Variants in METTL22 observed in about 807,000 individuals in gnomAD.
METTL22 encodes methyltransferase 22, Kin17 lysine, also known as methyltransferase-like protein 22.
METTL22 carries 51 observed loss-of-function variants against 48.4 expected under a neutral mutation model. The observed-to-expected ratio is 1.05, with a 90% confidence interval of 0.84 to 1.33. The LOEUF is 1.33. Ranked by LOEUF, METTL22 falls within the 40% of genes most tolerant of loss-of-function variation. METTL22 has a pLI of 0.00. For missense variants in METTL22, 678 were observed against 526.9 expected (o/e 1.29, Z -2.81); for synonymous variants, 255 against 214.1 (o/e 1.19, Z -1.67).
intron 3 of METTL22, chr16:8,631,552 G>C (rs568927719): frequency 5.3e-5 from 8 of 152,354 alleles, no homozygotes; most frequent in African/African-American, 1.9e-4. Flanking sequence ...CGTAATGCCT[G>C]GCACGGATTC....
Position 8,628,799 on chromosome 16 carries a change from G to T in METTL22, c.203G>T (p.Ser68Ile), listed in dbSNP as rs747239985. The change falls in exon 3 of 11, where the codon AGT (serine) becomes ATT (isoleucine). Residue 68 changes from serine to isoleucine, a missense_variant. Ser to Ile is a moderately radical substitution (Grantham distance 142). Transcript: ENST00000381920. ...ACAGATTCAGGAGCCAAGGGTGGCA[G>T]TCACAGAGATGTTCACACAAAGGAG... ...SWTDSGAKGG[S>I]HRDVHTKEPP... is the part of the protein sequence containing the mutation. The T allele has an allele frequency of 6.2e-7, 1 of 1,614,218 alleles. No individual in the cohort carries two copies. The highest frequency in any genetic ancestry group is 8.5e-7 in the Non-Finnish European group (1 of 1,180,042).
intron 3 of METTL22, among the ~76,000 whole-genome samples, chr16:8,631,036 C>T (rs909102060): frequency 6.6e-6 from 1 of 152,180 alleles, no homozygotes; most frequent in Admixed American, 6.5e-5. Context: ...GAACCACTGT[C>T]CCTGGGTTTT....
chr16:8,636,476 G>A (rs2056425321), intron 5 of METTL22, among the ~76,000 whole-genome samples: 1 of 142,430 alleles, frequency 7.0e-6, no homozygotes, highest in Admixed American at 7.1e-5. Flanking sequence ...AGCTGAGATT[G>A]CACCACTGCA....
chr16:8,628,473 A>C (rs2056137356), intron 2 of METTL22, among the ~76,000 whole-genome samples: 1 of 151,600 alleles, frequency 6.6e-6, no homozygotes, highest in Admixed American at 6.6e-5. Flanking sequence ...GCAATTGTGG[A>C]GATTGAATGA....
rs758326367 is a variant in METTL22 at position 8,641,195 on chromosome 16, C to T, written c.826+11C>T. 1.7e-5 allele frequency: 28 copies of T among 1,613,608 alleles called. No individual in the cohort carries two copies. Among genetic ancestry groups the T allele is most frequent in the African/African-American group, 2.7e-5 (2 of 74,880 alleles). ...ACGACCTCTGCACAGGTGTGTGTTTCTCTCGGACGTCCCCCAGTATGATTC... is the reference window on the plus strand; with the variant it reads ...ACGACCTCTGCACAGGTGTGTGTTTTTCTCGGACGTCCCCCAGTATGATTC... On this transcript the variant is annotated intron_variant, in intron 7 of 10. Coordinates refer to ENST00000381920, the MANE Select transcript of METTL22 (RefSeq NM_024109.4).
At chr16:8,632,500 G>A (rs773079063) in intron 3 of METTL22, among the ~76,000 whole-genome samples, 1 of 152,118 alleles carries the variant, frequency 6.6e-6, no homozygotes, top group Admixed American at 6.5e-5. Context: ...GCCACTACCC[G>A]GCCATCTCGA....
At chr16:8,640,922 A>ATGGATGGG (rs2056587966) in intron 6 of METTL22, among the ~76,000 whole-genome samples, 1 of 79,134 alleles carries the variant, frequency 1.3e-5, no homozygotes, top group Non-Finnish European at 2.8e-5. Flanking sequence ...GGATGGATGG[A>ATGGATGGG]TGGATGGATG....
Position 8,646,212 on chromosome 16 carries a change from C to G in METTL22, c.*69C>G. On this transcript the variant is annotated 3_prime_UTR_variant, in exon 11 of 11. Transcript: ENST00000381920. ...TGTATTTCTAGTAAAATCAGAAGCT[C>G]ACCAAAGCAACATGCTTGAGATTTT... 1.3e-6 allele frequency: 2 copies of G among 1,575,196 alleles called. No individual in the cohort carries two copies. Among genetic ancestry groups the G allele is most frequent in the South Asian group, 2.2e-5 (2 of 90,010 alleles).
chr16:8,646,734 T>G lies in METTL22; in HGVS notation c.*591T>G, dbSNP rs774667534. 3 of 451,644 alleles carry G rather than the reference T, an allele frequency of 6.6e-6. No homozygotes were observed. Among genetic ancestry groups the G allele is most frequent in the South Asian group, 4.7e-5 (3 of 64,456 alleles). The allele number at this position is 451,644 out of a possible 1,614,324, so 28.0% of individuals were successfully genotyped here. On this transcript the variant is annotated 3_prime_UTR_variant, in exon 11 of 11. Coordinates refer to ENST00000381920, the MANE Select transcript of METTL22 (RefSeq NM_024109.4). ...TCACCCAAATCAGGTACGTTTGGAA[T>G]AAACCTAAGAGCCACTCTTTGGGGT...
At chr16:8,666,800 C>G in the METTL22 span, 4 of 79,622 alleles carry the variant, frequency 5.0e-5, no homozygotes, top group Non-Finnish European at 1.1e-4. Context: ...TTTTTTTTTT[C>G]TTTGAGATGG....
chr16:8,636,652 G>T (rs199798927), intron 5 of METTL22, among the ~76,000 whole-genome samples: 15 of 148,124 alleles, frequency 1.0e-4, no homozygotes, highest in African/African-American at 3.2e-4. Flanking sequence ...TTTGGTTTTT[G>T]TTTTTTTTTG....
At chr16:8,630,326 C>T (rs964245386) in intron 3 of METTL22, among the ~76,000 whole-genome samples, 1 of 152,202 alleles carries the variant, frequency 6.6e-6, no homozygotes, top group Admixed American at 6.5e-5. Flanking sequence ...CCTCTGCCCT[C>T]ATGGCCTCTG....
the METTL22 span, among the ~76,000 whole-genome samples, chr16:8,658,176 A>G: frequency 0.016 from 2,429 of 152,320 alleles, 68 homozygotes; most frequent in South Asian, 0.12. Flanking sequence ...AAGATGGCCT[A>G]TGAAGGCAGA....
downstream of METTL22, among the ~76,000 whole-genome samples, chr16:8,653,227 G>C (rs1730977): frequency 0.99 from 150,423 of 152,328 alleles, 74,307 homozygotes; most frequent in Middle Eastern, 1. Flanking sequence ...ACAGACTGAT[G>C]AATCACTCTG....
intron 9 of METTL22, among the ~76,000 whole-genome samples, chr16:8,643,906 G>A (rs773834491): frequency 1.3e-5 from 2 of 152,120 alleles, no homozygotes; most frequent in Admixed American, 1.3e-4. Flanking sequence ...GAGCCACCAC[G>A]CCCAGCATAG....
downstream of METTL22, among the ~76,000 whole-genome samples, chr16:8,653,176 T>C (rs758226023): frequency 1.3e-5 from 2 of 152,232 alleles, no homozygotes; most frequent in Non-Finnish European, 2.9e-5. Context: ...CCCAAGCAGG[T>C]GTCAGCAGGA....
chr16:8,631,266 A>C (rs1009596144), intron 3 of METTL22: 3 of 152,238 alleles, frequency 2.0e-5, no homozygotes, highest in Non-Finnish European at 2.9e-5. Context: ...AAAACCTTAA[A>C]AAGTTTATCC....
intron 3 of METTL22, among the ~76,000 whole-genome samples, chr16:8,633,915 C>T (rs2056345060): frequency 6.6e-6 from 1 of 152,212 alleles, no homozygotes; most frequent in Non-Finnish European, 1.5e-5. Flanking sequence ...AGGGCTTGCT[C>T]ACAGAATGTG....
intron 3 of METTL22, among the ~76,000 whole-genome samples, chr16:8,633,403 C>T (rs932700743): frequency 2.0e-5 from 3 of 152,112 alleles, no homozygotes; most frequent in Non-Finnish European, 4.4e-5. Flanking sequence ...TTGAAACCAG[C>T]CCTGGCAACA....
Sources: allele counts gnomAD v4.1 joint callset (sites outside exome capture counted in the v4.1 genomes callset), GRCh38; gene constraint gnomAD v4.1.1; transcripts MANE v1.5; gene names NCBI Gene and HGNC (gene_info 2026-07-23, HGNC 2026-07-21).